Variants in IFI16 observed in about 807,000 individuals in gnomAD.
IFI16 encodes the protein gamma-interferon-inducible protein 16.
Under a neutral mutation model 68.4 loss-of-function variants are expected in IFI16, and 49 were observed. That is an observed-to-expected ratio of 0.72 (90% confidence interval 0.57 to 0.91). The LOEUF (loss-of-function observed/expected upper bound fraction) is 0.91, where lower values mean the gene tolerates loss of function less well. Among genes scored for constraint, IFI16 ranks in the 40% least tolerant of loss-of-function variants. The probability of loss-of-function intolerance (pLI) is 0.00; values close to 1 mark genes in which losing one functional copy is unlikely to be tolerated. For missense variants in IFI16, 878 were observed against 942.9 expected (o/e 0.93, Z 0.90); for synonymous variants, 307 against 315.0 (o/e 0.97, Z 0.27).
intron 10 of IFI16, chr1:159,053,205 C>T: frequency 5.3e-6 from 1 of 187,754 alleles, no homozygotes; most frequent in South Asian, 1.7e-4. Flanking sequence ...AGAAACCTAC[C>T]AAATTAATCA....
chr1:159,018,109 C>T (rs1406714326), intron 4 of IFI16, 120 bp from the exon 5 acceptor site: 1 of 757,592 alleles, frequency 1.3e-6, no homozygotes, highest in Non-Finnish European at 2.2e-6. Context: ...TCTATCCTGA[C>T]TCCAGCTCTA....
chr1:159,033,658 C>G (rs1654143062), intron 7 of IFI16, among the ~76,000 whole-genome samples: 1 of 152,162 alleles, frequency 6.6e-6, no homozygotes, highest in South Asian at 2.1e-4. Flanking sequence ...CATATCCAGT[C>G]TTATTTAAAC....
Position 159,046,096 on chromosome 1 carries a change from A to G in IFI16, c.1497+632A>G, listed in dbSNP as rs186086435. Among the ~76,000 whole-genome samples the G allele has an allele frequency of 7.1e-4, 108 of 151,486 alleles. 4 individuals are homozygous for G. The highest frequency in any genetic ancestry group is 1.2e-3 in the Non-Finnish European group (83 of 67,636). On this transcript the variant is annotated intron_variant, in intron 8 of 11. Transcript: ENST00000295809. ...ATATAGATTTAAATTACTTTATTGT[A>G]CCAGAAAAATTGCATGGTTATTCCA...
chr1:159,011,725 G>T (rs905359535), intron 1 of IFI16, among the ~76,000 whole-genome samples: 2 of 152,032 alleles, frequency 1.3e-5, no homozygotes, highest in Admixed American at 6.5e-5. Flanking sequence ...CACAAACATA[G>T]ATAAACTGGC....
intron 7 of IFI16, among the ~76,000 whole-genome samples, chr1:159,033,008 C>T (rs1385218017): frequency 2.0e-5 from 3 of 151,854 alleles, no homozygotes; most frequent in African/African-American, 7.3e-5. Context: ...CGTTCAGATC[C>T]TACATTCCCG....
At chr1:159,026,397 C>G (rs961638108) in intron 6 of IFI16, among the ~76,000 whole-genome samples, 1 of 151,460 alleles carries the variant, frequency 6.6e-6, no homozygotes, top group Non-Finnish European at 1.5e-5. Context: ...CTCCCGGGTT[C>G]AAGCGATTCT....
intron 3 of IFI16, 133 bp downstream of exon 3, chr1:159,016,120 G>A: frequency 1.6e-6 from 1 of 638,962 alleles, no homozygotes; most frequent in Non-Finnish European, 2.8e-6. Flanking sequence ...CAAATTGTAT[G>A]ATAATTGATC....
At chr1:159,053,187 G>A (rs1655464469) in intron 10 of IFI16, 1 of 175,218 alleles carries the variant, frequency 5.7e-6, no homozygotes, top group South Asian at 1.7e-4. Flanking sequence ...CTCTTGGGCA[G>A]GTGTGAAAGA....
At chr1:159,008,248 A>T (rs1652335273), upstream of IFI16, among the ~76,000 whole-genome samples, 1 of 152,252 alleles carries the variant, frequency 6.6e-6, no homozygotes, top group African/African-American at 2.4e-5. Context: ...TAATGTAGCT[A>T]CATAATTTAT....
rs377685715 is a variant in IFI16 at position 159,045,472 on chromosome 1, T to C, written c.1497+8T>C. ...AGCAGTTTCTTAACCACGGTACAAG[T>C]TCCCTCTTCCCAATACATTCCCCTC... On this transcript the variant is annotated splice_region_variant and intron_variant, in intron 8 of 11. Transcript: ENST00000295809. The C allele has an allele frequency of 6.2e-7, 1 of 1,604,116 alleles. No homozygotes were observed. The highest frequency in any genetic ancestry group is 1.3e-5 in the African/African-American group (1 of 74,418).
At chr1:159,030,312 C>A (rs1653925264) in intron 6 of IFI16, among the ~76,000 whole-genome samples, 1 of 152,228 alleles carries the variant, frequency 6.6e-6, no homozygotes, top group Non-Finnish European at 1.5e-5. Context: ...GAGATTTCTT[C>A]TTGGGTTGGA....
At chr1:159,025,311 T>TAA (rs1653591646) in intron 6 of IFI16, among the ~76,000 whole-genome samples, 1 of 152,118 alleles carries the variant, frequency 6.6e-6, no homozygotes, top group Non-Finnish European at 1.5e-5. Flanking sequence ...GTGACTTACC[T>TAA]GGCCACCCTC....
intron 7 of IFI16, among the ~76,000 whole-genome samples, chr1:159,038,906 A>C (rs1461164060): frequency 6.6e-6 from 1 of 152,206 alleles, no homozygotes; most frequent in African/African-American, 2.4e-5. Context: ...GAATGCTTCC[A>C]GCAAAGGGAG....
chr1:159,032,341 C>T (rs1267030825), intron 6 of IFI16, among the ~76,000 whole-genome samples, 183 bp from the exon 7 acceptor site: 2 of 151,992 alleles, frequency 1.3e-5, no homozygotes, highest in Non-Finnish European at 2.9e-5. Context: ...AGTACTTGAT[C>T]ATTCCACATT....
intron 6 of IFI16, among the ~76,000 whole-genome samples, chr1:159,022,154 C>T (rs952651237): frequency 1.1e-3 from 163 of 151,932 alleles, no homozygotes; most frequent in African/African-American, 3.8e-3. Flanking sequence ...TTAGTAGAGA[C>T]GGGGTTTCAC....
intron 6 of IFI16, among the ~76,000 whole-genome samples, chr1:159,024,479 G>T (rs1653527638): frequency 1.3e-5 from 2 of 151,972 alleles, no homozygotes; most frequent in Non-Finnish European, 2.9e-5. Context: ...ATAGATGAAG[G>T]GTTTTAGATC....
intron 7 of IFI16, among the ~76,000 whole-genome samples, chr1:159,035,217 A>T (rs1458616413): frequency 2.6e-5 from 4 of 151,988 alleles, no homozygotes; most frequent in Admixed American, 2.6e-4. Context: ...AGAAAGCTGT[A>T]TTTCCCTCCA....
chr1:159,018,106 T>C (rs1653051207), intron 4 of IFI16, 123 bp from the exon 5 acceptor site: 4 of 741,594 alleles, frequency 5.4e-6, no homozygotes, highest in Non-Finnish European at 9.0e-6. Flanking sequence ...CTCTCTATCC[T>C]GACTCCAGCT....
chr1:159,045,201 C>T, intron 7 of IFI16, 96 bp from the exon 8 acceptor site: 1 of 634,582 alleles, frequency 1.6e-6, no homozygotes, highest in Non-Finnish European at 2.7e-6. Flanking sequence ...GCAAAGTGAA[C>T]ATCCTATTTA....
Sources: gnomAD v4.1 joint callset for allele counts (sites outside exome capture counted in the v4.1 genomes callset) on GRCh38, gnomAD v4.1.1 for gene constraint, MANE v1.5 for transcripts, NCBI Gene and HGNC (gene_info 2026-07-23, HGNC 2026-07-21) for gene names.